Variants in GMPS observed in about 807,000 individuals in gnomAD.
GMPS encodes the protein GMP synthase [glutamine-hydrolyzing].
Under a neutral mutation model 77.9 loss-of-function variants are expected in GMPS, and 15 were observed. The ratio of observed to expected loss-of-function variants is 0.19; its 90% confidence interval spans 0.13 to 0.30. The LOEUF (loss-of-function observed/expected upper bound fraction) is 0.30. GMPS is among the 10% of genes least tolerant of loss of function. The pLI, the probability that GMPS is intolerant of heterozygous loss-of-function variation, is 1.00. For missense variants in GMPS, 590 were observed against 838.8 expected (o/e 0.70, Z 3.66); for synonymous variants, 224 against 275.9 (o/e 0.81, Z 1.86).
chr3:155,877,555 G>A (rs1212918869), intron 1 of GMPS, among the ~76,000 whole-genome samples: 1 of 151,572 alleles, frequency 6.6e-6, no homozygotes, highest in Non-Finnish European at 1.5e-5. Flanking sequence ...TGCAACCACC[G>A]CTCCCTCCCA....
chr3:155,875,017 T>C (rs1754009899), intron 1 of GMPS, among the ~76,000 whole-genome samples: 1 of 149,896 alleles, frequency 6.7e-6, no homozygotes, highest in East Asian at 2.0e-4. Flanking sequence ...AAGTGATCCT[T>C]GTGTGATCCT....
chr3:155,902,220 T>C (rs1449431488), intron 3 of GMPS, among the ~76,000 whole-genome samples: 2 of 152,132 alleles, frequency 1.3e-5, no homozygotes, highest in Admixed American at 6.5e-5. Context: ...ATAATCACTT[T>C]AGTTTGAATG....
At chr3:155,880,754 C>CT (rs1754190601) in intron 1 of GMPS, among the ~76,000 whole-genome samples, 2 of 151,970 alleles carry the variant, frequency 1.3e-5, no homozygotes, top group African/African-American at 4.8e-5. Flanking sequence ...AAGAAAATCT[C>CT]TGTCGGTTTG....
intron 8 of GMPS, among the ~76,000 whole-genome samples, chr3:155,915,812 A>G (rs755744760): frequency 2.0e-5 from 3 of 152,220 alleles, no homozygotes; most frequent in Non-Finnish European, 4.4e-5. Flanking sequence ...CTGGGATTAC[A>G]GGCGTGAGCC....
intron 3 of GMPS, among the ~76,000 whole-genome samples, chr3:155,899,733 C>T (rs971993737): frequency 1.3e-5 from 2 of 152,146 alleles, no homozygotes; most frequent in Non-Finnish European, 2.9e-5. Context: ...TTCGACTGCC[C>T]AATCCTTTGT....
At chr3:155,896,713 G>A (rs1754611967) in intron 2 of GMPS, among the ~76,000 whole-genome samples, 1 of 143,844 alleles carries the variant, frequency 7.0e-6, no homozygotes, top group Admixed American at 7.1e-5. Context: ...GAGCATCCAT[G>A]CCCAGCCTTA....
chr3:155,937,188 GTGGCCCTTAGAGTTGTA>G (rs773852702), intron 15 of GMPS, among the ~76,000 whole-genome samples: 13 of 152,302 alleles, frequency 8.5e-5, no homozygotes, highest in Admixed American at 3.3e-4. Flanking sequence ...TGCCACCTTG[GTGGCCCTTAGAGTTGTA>G]TGTTTAAGCT....
intron 5 of GMPS, among the ~76,000 whole-genome samples, chr3:155,909,852 G>A (rs1754983770): frequency 6.6e-6 from 1 of 151,992 alleles, no homozygotes; most frequent in African/African-American, 2.4e-5. Context: ...TGAGGTGGAA[G>A]GATCACTTGA....
intron 1 of GMPS, among the ~76,000 whole-genome samples, chr3:155,885,387 T>C (rs1229888821): frequency 6.6e-6 from 1 of 152,230 alleles, no homozygotes; most frequent in Non-Finnish European, 1.5e-5. Context: ...ATCTACACAT[T>C]TGTTAATATA....
chr3:155,942,500 T>G lies in GMPS; in HGVS notation c.*4808T>G. The G allele has an allele frequency of 4.4e-6, 1 of 226,384 alleles. No individual in the cohort carries two copies. The highest frequency in any genetic ancestry group is 2.2e-5 in the African/African-American group (1 of 45,068). 14.0% of individuals were successfully genotyped at this position (226,384 alleles called of 1,614,324 possible). A position where few individuals can be genotyped will look rare whatever the true frequency, so the allele number is the denominator to read the frequency against. ...CTTTGTCAAACCTATAGGAGAGAGA[T>G]GCAGGCCATAGAGATGGTCTTGCTG... is the stretch of plus-strand genomic sequence containing the variant. On this transcript the variant is annotated 3_prime_UTR_variant, in exon 16 of 16. Coordinates refer to ENST00000496455, the MANE Select transcript of GMPS (RefSeq NM_003875.3).
chr3:155,873,844 C>A (rs987800499), intron 1 of GMPS, among the ~76,000 whole-genome samples: 3 of 151,238 alleles, frequency 2.0e-5, no homozygotes, highest in Non-Finnish European at 2.9e-5. Flanking sequence ...ACTGTGTTAG[C>A]CAGGATGGTC....
At position 155,937,807 on chromosome 3, in the gene GMPS, AG is replaced by A; in HGVS notation, c.*116del. ...TACTGGAGCAGCTACATCACATCTG[AG>A]TTCTCCACAGCAAAAATCTACGGCT... On this transcript the variant is annotated 3_prime_UTR_variant, in exon 16 of 16. Coordinates refer to ENST00000496455, the MANE Select transcript of GMPS (RefSeq NM_003875.3). The A allele has an allele frequency of 1.6e-6, 1 of 615,328 alleles. No individual in the cohort carries two copies. The highest frequency in any genetic ancestry group is 2.1e-5 in the South Asian group (1 of 46,886). 38.1% of individuals were successfully genotyped at this position (615,328 alleles called of 1,614,324 possible). A position where few individuals can be genotyped will look rare whatever the true frequency, so the allele number is the denominator to read the frequency against.
At chr3:155,923,871 GT>G (rs966672686) in intron 11 of GMPS, among the ~76,000 whole-genome samples, 20 of 146,448 alleles carry the variant, frequency 1.4e-4, no homozygotes, top group East Asian at 2.0e-4. Flanking sequence ...GAGAACCATT[GT>G]TTTTTTTTTT....
chr3:155,877,166 G>T (rs951657435), intron 1 of GMPS, among the ~76,000 whole-genome samples: 1 of 152,100 alleles, frequency 6.6e-6, no homozygotes, highest in African/African-American at 2.4e-5. Context: ...ACAAATTTTG[G>T]ATCAACGATC....
intron 3 of GMPS, 134 bp from the exon 4 acceptor site, chr3:155,903,729 T>C: frequency 2.0e-6 from 1 of 501,464 alleles, no homozygotes; most frequent in Non-Finnish European, 3.6e-6. Context: ...CTACATTTAT[T>C]AAACTCCTTT....
At chr3:155,904,001 T>C (rs1379253791) in intron 4 of GMPS, 41 bp downstream of exon 4, 3 of 772,334 alleles carry the variant, frequency 3.9e-6, no homozygotes, top group Non-Finnish European at 6.4e-6. Flanking sequence ...AGTAATTAAC[T>C]AATTTAAAGT....
chr3:155,909,105 A>C (rs963844859), intron 5 of GMPS, among the ~76,000 whole-genome samples: 2 of 152,200 alleles, frequency 1.3e-5, no homozygotes, highest in African/African-American at 4.8e-5. Context: ...TAGTAGAATG[A>C]GTATGAGTTT....
chr3:155,878,063 C>T (rs1394212927), intron 1 of GMPS, among the ~76,000 whole-genome samples: 11 of 152,074 alleles, frequency 7.2e-5, no homozygotes, highest in East Asian at 3.9e-4. Flanking sequence ...CATGAGCCAC[C>T]GTGCCCAGCC....
At chr3:155,873,635 G>GTTATTTTTTTTTTTTTTTT (rs1340921688) in intron 1 of GMPS, among the ~76,000 whole-genome samples, 1 of 32,710 alleles carries the variant, frequency 3.1e-5, no homozygotes. Flanking sequence ...ACATGAGTAA[G>GTTATTTTTTTTTTTTTTTT]TTCTTTTTTT....
Sources: gnomAD v4.1 joint callset for allele counts (sites outside exome capture counted in the v4.1 genomes callset) on GRCh38, gnomAD v4.1.1 for gene constraint, MANE v1.5 for transcripts, NCBI Gene and HGNC (gene_info 2026-07-23, HGNC 2026-07-21) for gene names.